HIVEP3: variants seen among roughly 807,000 people sequenced by gnomAD.
HIVEP3 encodes HIVEP zinc finger 3.
Under a neutral mutation model 152.8 loss-of-function variants are expected in HIVEP3, and 49 were observed. That is an observed-to-expected ratio of 0.32 (90% CI 0.26 to 0.41). The LOEUF (loss-of-function observed/expected upper bound fraction) is 0.41, where lower values mean the gene tolerates loss of function less well. HIVEP3 is among the 10% of genes least tolerant of loss of function. The pLI is 1.00. For missense variants in HIVEP3, 2,790 were observed against 3,103.3 expected (o/e 0.90, Z 2.40); for synonymous variants, 1,269 against 1,289.0 (o/e 0.98, Z 0.33).
chr1:41,752,277 T>A (rs1311120361), intron 1 of HIVEP3, among the ~76,000 whole-genome samples: 2 of 152,226 alleles, frequency 1.3e-5, no homozygotes, highest in Non-Finnish European at 2.9e-5. Flanking sequence ...TCTGTGGCAG[T>A]CACCCACGGA....
intron 1 of HIVEP3, among the ~76,000 whole-genome samples, chr1:41,828,690 T>C (rs554753149): frequency 5.9e-5 from 9 of 152,314 alleles, no homozygotes; most frequent in African/African-American, 2.2e-4. Context: ...GATGAAGAAA[T>C]GGAGGCTGAT....
rs535189000 is a variant in HIVEP3 at position 41,615,725 on chromosome 1, G to A, written c.-522+13024C>T. Among the ~76,000 whole-genome samples, 3 of 150,978 alleles carry A rather than the reference G, an allele frequency of 2.0e-5. No homozygotes were observed. In the South Asian group the frequency reaches 6.3e-4, roughly 32 times the overall value. On this transcript the variant is annotated intron_variant, in intron 3 of 8. Transcript: ENST00000372583. ...AAAACAATCATGGGATGGTAATCCC[G>A]AGTTCAGGATGACGGTCACTCCTGG...
chr1:41,806,795 G>A (rs369190373), intron 1 of HIVEP3, among the ~76,000 whole-genome samples: 4 of 152,162 alleles, frequency 2.6e-5, no homozygotes, highest in Admixed American at 6.5e-5. Flanking sequence ...ATCTCAGGAC[G>A]ACTCCACAGG....
At chr1:41,723,090 G>A (rs944524393) in intron 1 of HIVEP3, among the ~76,000 whole-genome samples, 3 of 152,148 alleles carry the variant, frequency 2.0e-5, no homozygotes, top group Admixed American at 6.5e-5. Flanking sequence ...GACGTGACCA[G>A]GTTTGTGTTC....
At chr1:41,520,618 A>G (rs1183407498) in intron 6 of HIVEP3, among the ~76,000 whole-genome samples, 1 of 152,188 alleles carries the variant, frequency 6.6e-6, no homozygotes, top group Non-Finnish European at 1.5e-5. Flanking sequence ...GCCACAGGGC[A>G]CTGTGGACAC....
At chr1:41,857,983 A>ATCTCTCTCTC (rs56967197) in intron 1 of HIVEP3, among the ~76,000 whole-genome samples, 4,174 of 148,536 alleles carry the variant, frequency 0.028, 89 homozygotes, top group African/African-American at 0.055. Context: ...CAATCAATCA[A>ATCTCTCTCTC]TCTCTCTCTC....
At chr1:41,809,275 T>G (rs1286416870) in intron 1 of HIVEP3, among the ~76,000 whole-genome samples, 2 of 152,254 alleles carry the variant, frequency 1.3e-5, no homozygotes, top group Non-Finnish European at 2.9e-5. Context: ...CCTTCATTGT[T>G]GACGGCTCAG....
At chr1:41,838,274 A>G (rs2124365611) in intron 1 of HIVEP3, among the ~76,000 whole-genome samples, 1 of 152,288 alleles carries the variant, frequency 6.6e-6, no homozygotes, top group Non-Finnish European at 1.5e-5. Flanking sequence ...TGTCATCGAC[A>G]GAGGCAAGAT....
At chr1:41,969,563 C>T (rs1272051903) in intron 1 of HIVEP3, among the ~76,000 whole-genome samples, 2 of 151,914 alleles carry the variant, frequency 1.3e-5, no homozygotes, top group Admixed American at 6.6e-5. Context: ...TAGCTCAAGA[C>T]GAATTAAACG....
intron 1 of HIVEP3, among the ~76,000 whole-genome samples, chr1:41,733,259 G>A (rs1373285826): frequency 6.6e-6 from 1 of 152,184 alleles, no homozygotes; most frequent in East Asian, 1.9e-4. Context: ...ACAAGCAGGG[G>A]CAGAGCCAAG....
intron 1 of HIVEP3, among the ~76,000 whole-genome samples, chr1:41,775,576 C>T (rs1303898084): frequency 6.6e-6 from 1 of 152,088 alleles, no homozygotes; most frequent in Non-Finnish European, 1.5e-5. Context: ...CTGCAACCTC[C>T]ACCTCCTGGG....
chr1:41,718,668 GGT>G (rs958184690), intron 1 of HIVEP3, among the ~76,000 whole-genome samples: 2 of 152,114 alleles, frequency 1.3e-5, no homozygotes, highest in African/African-American at 4.8e-5. Context: ...AGACAAACAT[GGT>G]GTGTGTGGCC....
At chr1:41,537,051 A>G (rs1643418874) in intron 5 of HIVEP3, among the ~76,000 whole-genome samples, 1 of 152,226 alleles carries the variant, frequency 6.6e-6, no homozygotes, top group African/African-American at 2.4e-5. Context: ...AATTTCCCCA[A>G]GGTCATATAG....
At chr1:41,523,287 C>G (rs1015489196) in intron 6 of HIVEP3, among the ~76,000 whole-genome samples, 2 of 152,236 alleles carry the variant, frequency 1.3e-5, no homozygotes, top group African/African-American at 4.8e-5. Context: ...TTCGAAGCAC[C>G]CATGGGGTGG....
intron 1 of HIVEP3, among the ~76,000 whole-genome samples, chr1:41,824,742 AATATATATATATATATATATATATATAT>A (rs375409601): frequency 5.2e-4 from 39 of 75,100 alleles, no homozygotes; most frequent in South Asian, 1.7e-3. Flanking sequence ...TTCCAAGTTA[AATATATATATATATATATATATATATAT>A]ATATATATAT....
chr1:41,690,751 C>T (rs1272553417), intron 2 of HIVEP3, among the ~76,000 whole-genome samples: 1 of 152,150 alleles, frequency 6.6e-6, no homozygotes, highest in Non-Finnish European at 1.5e-5. Flanking sequence ...AACGCTGTCT[C>T]TACTAAAAAT....
intron 5 of HIVEP3, among the ~76,000 whole-genome samples, chr1:41,526,742 C>T (rs1428849714): frequency 7.5e-6 from 1 of 133,670 alleles, no homozygotes; most frequent in Admixed American, 7.5e-5. Context: ...CACCCTAAAA[C>T]GTGCTCACAT....
intron 3 of HIVEP3, among the ~76,000 whole-genome samples, chr1:41,607,652 A>G (rs919765135): frequency 5.3e-5 from 8 of 150,418 alleles, no homozygotes; most frequent in African/African-American, 1.7e-4. Context: ...TTTGCTTCCA[A>G]TGTTTGGTGA....
At chr1:41,625,734 A>G (rs2149145804) in intron 3 of HIVEP3, among the ~76,000 whole-genome samples, 1 of 152,284 alleles carries the variant, frequency 6.6e-6, no homozygotes, top group Non-Finnish European at 1.5e-5. Flanking sequence ...GACAGTATAT[A>G]TCAAAAATAA....
Sources: allele counts gnomAD v4.1 joint callset (sites outside exome capture counted in the v4.1 genomes callset), GRCh38; gene constraint gnomAD v4.1.1; transcripts MANE v1.5; gene names NCBI Gene and HGNC (gene_info 2026-07-23, HGNC 2026-07-21).